The following PCDHA2 variants were observed in gnomAD, a reference collection of about 807,000 sequenced individuals.
PCDHA2 encodes the protein protocadherin alpha-2.
Under a neutral mutation model 66.0 loss-of-function variants are expected in PCDHA2, and 58 were observed. The ratio of observed to expected loss-of-function variants is 0.88; its 90% CI spans 0.71 to 1.09. The LOEUF is 1.09. Among genes scored for constraint, PCDHA2 ranks in the 50% least tolerant of loss-of-function variants. The pLI, the probability that PCDHA2 is intolerant of heterozygous loss-of-function variation, is 0.00. For missense variants in PCDHA2, 1,267 were observed against 1,242.3 expected (o/e 1.02, Z -0.30); for synonymous variants, 634 against 554.0 (o/e 1.14, Z -2.03).
intron 1 of PCDHA2, chr5:140,842,977 G>C: frequency 6.3e-7 from 1 of 1,595,034 alleles, no homozygotes; most frequent in Non-Finnish European, 8.6e-7. Context: ...TGACGCTGCA[G>C]GTGTTCGTGC....
At chr5:140,828,655 C>T (rs1769872389) in intron 1 of PCDHA2, 1 of 1,613,992 alleles carries the variant, frequency 6.2e-7, no homozygotes, top group Non-Finnish European at 8.5e-7. Context: ...ACAGTGATGA[C>T]AATAAACAAA....
intron 3 of PCDHA2, among the ~76,000 whole-genome samples, chr5:140,995,684 A>T (rs2097694657): frequency 6.6e-6 from 1 of 152,144 alleles, no homozygotes; most frequent in Non-Finnish European, 1.5e-5. Flanking sequence ...ATTTTTTTTA[A>T]TTGTTAAATA....
chr5:140,921,282 A>C (rs1208744523), intron 1 of PCDHA2, among the ~76,000 whole-genome samples: 1 of 152,224 alleles, frequency 6.6e-6, no homozygotes, highest in Non-Finnish European at 1.5e-5. Flanking sequence ...CTTGAAAAAA[A>C]CCTCAAATTT....
chr5:140,990,754 G>A (rs3822343), intron 3 of PCDHA2, among the ~76,000 whole-genome samples: 7,419 of 152,246 alleles, frequency 0.049, 237 homozygotes, highest in South Asian at 0.11. Flanking sequence ...GGATACCTTT[G>A]AGCCTGTAAA....
intron 1 of PCDHA2, chr5:140,808,836 C>G (rs782131323): frequency 6.2e-7 from 1 of 1,613,100 alleles, no homozygotes; most frequent in East Asian, 2.2e-5. Context: ...AGCAACGTGA[C>G]GCTGCAGGTG....
At chr5:140,959,624 AAAAG>A (rs2095502972) in intron 1 of PCDHA2, among the ~76,000 whole-genome samples, 1 of 152,220 alleles carries the variant, frequency 6.6e-6, no homozygotes, top group Non-Finnish European at 1.5e-5. Context: ...GTGATAGAAA[AAAAG>A]AGAGAAAAAA....
intron 1 of PCDHA2, among the ~76,000 whole-genome samples, chr5:140,891,677 TTCTC>T (rs1335607297): frequency 2.6e-5 from 4 of 152,240 alleles, no homozygotes; most frequent in African/African-American, 9.6e-5. Context: ...AGTTTAATAA[TTCTC>T]TCTTCTTGCT....
In PCDHA2 at chr5:140,795,130, C is replaced by A. The variant is rs782068523; in HGVS notation, c.166C>A (p.Leu56Met). The A allele has an allele frequency of 9.3e-6, 15 of 1,614,008 alleles. No individual in the cohort carries two copies. The highest frequency in any genetic ancestry group is 6.7e-5 in the East Asian group (3 of 44,882). Reference sequence around the variant, plus strand: ...CATCGCGCAGGACCTGGGGCTGGAGCTGGAGGAGCTGGTGCCGCGCCTGTT... The same window carrying A: ...CATCGCGCAGGACCTGGGGCTGGAGATGGAGGAGCTGGTGCCGCGCCTGTT... ...GRIAQDLGLE[L>M]EELVPRLFRV... Residue 56 changes from leucine (L) to methionine (M), a missense_variant, in exon 1 of 4, where the codon CTG (leucine) becomes ATG (methionine). Transcript: ENST00000526136.
chr5:140,815,832 G>A (rs1406365317), intron 1 of PCDHA2: 1 of 152,124 alleles, frequency 6.6e-6, no homozygotes, highest in Non-Finnish European at 1.5e-5. Flanking sequence ...CATTTTTGAA[G>A]ACAAACTTTG....
chr5:141,006,869 C>T (rs190273260), intron 3 of PCDHA2, among the ~76,000 whole-genome samples: 50 of 152,182 alleles, frequency 3.3e-4, no homozygotes, highest in African/African-American at 1.0e-3. Flanking sequence ...GGAATAGATT[C>T]GAGGAATCAA....
At chr5:140,871,552 AGT>A in intron 1 of PCDHA2, 1 of 1,493,376 alleles carries the variant, frequency 6.7e-7, no homozygotes, top group Non-Finnish European at 8.9e-7. Context: ...TTTAAAATCC[AGT>A]TTTTTTTCAC....
rs183950754 is a variant in PCDHA2, at chr5:140,960,187, T to G, written c.2389-18762T>G. On this transcript the variant is annotated intron_variant, in intron 1 of 3. Coordinates refer to ENST00000526136, the MANE Select transcript of PCDHA2 (RefSeq NM_018905.3). ...CAATTCTTAAGTTAGGGGTTGCATG[T>G]GTAGTGGTCAGATGTTATTTCAGGA... 3.5e-3 allele frequency among the ~76,000 whole-genome samples: 529 copies of G among 152,196 alleles called. 22 individuals are homozygous for G. Among genetic ancestry groups the G allele is most frequent in the Admixed American group, 0.032 (493 of 15,274 alleles).
chr5:140,967,740 A>G, intron 1 of PCDHA2: 6 of 1,614,170 alleles, frequency 3.7e-6, no homozygotes, highest in Non-Finnish European at 5.1e-6. Flanking sequence ...GGGCTGGATT[A>G]TGAGGAAGCC....
In PCDHA2 at chr5:140,849,870, G is replaced by T. The variant is rs2150455328; in HGVS notation, c.2388+52518G>T. ...CAACGCACCAGCGTTCGCGCAGTCC[G>T]AGTACACGGTGTTCGTGAAGGAGAA... On this transcript the variant is annotated intron_variant, in intron 1 of 3. Coordinates refer to ENST00000526136, the MANE Select transcript of PCDHA2 (RefSeq NM_018905.3). 25 of 1,598,494 alleles carry T rather than the reference G, an allele frequency of 1.6e-5. 2 individuals carry two copies. The highest frequency in any genetic ancestry group is 2.1e-5 in the Non-Finnish European group (24 of 1,167,988).
chr5:140,985,084 T>A (rs2097135513), intron 3 of PCDHA2, among the ~76,000 whole-genome samples: 1 of 151,986 alleles, frequency 6.6e-6, no homozygotes. Context: ...ACTACAGGCG[T>A]GTGCCACCAA....
At chr5:140,958,343 T>C (rs904666839) in intron 1 of PCDHA2, among the ~76,000 whole-genome samples, 2 of 152,144 alleles carry the variant, frequency 1.3e-5, no homozygotes, top group African/African-American at 4.8e-5. Flanking sequence ...TCACAGGAAG[T>C]TCACAGTCTG....
chr5:140,822,343 T>G lies in PCDHA2; in HGVS notation c.2388+24991T>G, dbSNP rs2150115683. 5 of 1,614,104 alleles carry G rather than the reference T, an allele frequency of 3.1e-6. No individual in the cohort carries two copies. The Admixed American group carries it at 8.3e-5, about 27-fold the overall frequency. ...TAAAACAAATGAAGAAGAAACGAACTTTTTAGAGCTGGTTTTGAGGAAATC... is the reference window on the plus strand; with the variant it reads ...TAAAACAAATGAAGAAGAAACGAACGTTTTAGAGCTGGTTTTGAGGAAATC... On this transcript the variant is annotated intron_variant, in intron 1 of 3. Transcript: ENST00000526136.
At position 140,850,386 on chromosome 5, in the gene PCDHA2, A is replaced by G. The variant is rs2041574061; in HGVS notation, c.2388+53034A>G. ...CCGCGTGGGGCTGTACACGGGCGAGATCAGCACAACGCGTGCCCTGGACGA... is the reference window on the plus strand; with the variant it reads ...CCGCGTGGGGCTGTACACGGGCGAGGTCAGCACAACGCGTGCCCTGGACGA... On this transcript the variant is annotated intron_variant, in intron 1 of 3. Coordinates refer to ENST00000526136, the MANE Select transcript of PCDHA2 (RefSeq NM_018905.3). 1.3e-6 allele frequency: 2 copies of G among 1,597,858 alleles called. 1 individual carries two copies. Among genetic ancestry groups the G allele is most frequent in the South Asian group, 2.2e-5 (2 of 90,510 alleles).
At chr5:141,003,510 A>C (rs1468305070) in intron 3 of PCDHA2, among the ~76,000 whole-genome samples, 1 of 152,070 alleles carries the variant, frequency 6.6e-6, no homozygotes, top group African/African-American at 2.4e-5. Context: ...ATGGGGTTTC[A>C]CCATGTTCCC....
Sources: gnomAD v4.1 joint callset for allele counts (sites outside exome capture counted in the v4.1 genomes callset) on GRCh38, gnomAD v4.1.1 for gene constraint, MANE v1.5 for transcripts, NCBI Gene and HGNC (gene_info 2026-07-23, HGNC 2026-07-21) for gene names.